The following ASTN2 variants were observed in gnomAD, a reference collection of about 807,000 sequenced individuals.
The protein encoded by ASTN2 is astrotactin-2.
A neutral mutation model predicts 139.8 loss-of-function variants in ASTN2; 54 were observed. That is an observed-to-expected ratio of 0.39 (90% CI 0.31 to 0.48). The LOEUF is 0.48. ASTN2 is among the 20% of genes least tolerant of loss of function. ASTN2 has a pLI of 0.95. For synonymous variants in ASTN2, 756 were observed against 719.5 expected (o/e 1.05, Z -0.81); for missense variants, 1,565 against 1,725.1 (o/e 0.91, Z 1.64).
chr9:116,730,238 G>C (rs1022544635), intron 14 of ASTN2, among the ~76,000 whole-genome samples: 1 of 152,110 alleles, frequency 6.6e-6, no homozygotes, highest in Non-Finnish European at 1.5e-5. Flanking sequence ...CTGGTGAGTA[G>C]GCACTTAAAG....
rs758359170 is a variant in ASTN2 at position 116,976,142 on chromosome 9, C to A, written c.1723G>T (p.Gly575Trp). Residue 575 changes from glycine to tryptophan, a missense_variant, in exon 9 of 23, where the codon GGG (glycine) becomes TGG (tryptophan). Gly to Trp is a radical substitution (Grantham distance 184). Around this residue, in one of 4 missense-constraint regions of ASTN2, gnomAD observed 503 missense variants for 591.7 expected, o/e 0.85. Coordinates refer to ENST00000313400, the MANE Select transcript of ASTN2 (RefSeq NM_001365068.1). ...TLERGYDLVT[G>W]EQAPEKILRS... is the part of the protein sequence containing the mutation. ...AGAATCTTTTCAGGGGCTTGCTCCC[C>A]TGTCACCAGATCATAGCCCCTCTCA... is the stretch of plus-strand genomic sequence containing the variant. 2.5e-6 allele frequency: 4 copies of A among 1,614,180 alleles called. No homozygotes were observed. The highest frequency in any genetic ancestry group is 3.4e-6 in the Non-Finnish European group (4 of 1,180,012).
intron 13 of ASTN2, among the ~76,000 whole-genome samples, chr9:116,765,703 A>T (rs1428896548): frequency 6.6e-6 from 1 of 152,182 alleles, no homozygotes; most frequent in Non-Finnish European, 1.5e-5. Context: ...ATCTTTAAAA[A>T]ATAGAAGGGA....
intron 16 of ASTN2, among the ~76,000 whole-genome samples, chr9:116,674,329 T>C (rs1324148178): frequency 6.6e-6 from 1 of 152,208 alleles, no homozygotes; most frequent in Non-Finnish European, 1.5e-5. Context: ...AAAGAGAGGC[T>C]ACAGGGCCAG....
intron 5 of ASTN2, among the ~76,000 whole-genome samples, chr9:117,040,551 C>T (rs1043945520): frequency 3.9e-5 from 6 of 152,174 alleles, no homozygotes; most frequent in African/African-American, 7.2e-5. Context: ...CTCCGCCACA[C>T]GGGTTCAAGT....
intron 12 of ASTN2, among the ~76,000 whole-genome samples, chr9:116,811,891 A>G (rs1405636838): frequency 6.6e-6 from 1 of 152,168 alleles, no homozygotes; most frequent in Admixed American, 6.6e-5. Context: ...CAGATTTCTG[A>G]AAGTTGACAT....
At position 117,362,931 on chromosome 9, in the gene ASTN2, A is replaced by G. The variant is rs1257706130; in HGVS notation, c.442+51566T>C. ...TGAGAAGCCTGCTCTGCTCCCTAGA[A>G]ATTTCACTTATATAACTAATAAGCC... is the stretch of plus-strand genomic sequence containing the variant. On this transcript the variant is annotated intron_variant, in intron 1 of 22. Transcript: ENST00000313400. Among the ~76,000 whole-genome samples the G allele has an allele frequency of 2.0e-5, 3 of 151,982 alleles. No individual in the cohort carries two copies. In the East Asian group the frequency reaches 5.8e-4, roughly 29 times the overall value.
At chr9:116,591,025 C>T (rs73526181) in intron 19 of ASTN2, among the ~76,000 whole-genome samples, 3,763 of 152,274 alleles carry the variant, frequency 0.025, 147 homozygotes, top group African/African-American at 0.086. Flanking sequence ...CCTTATTTTT[C>T]CTGGAAGCAG....
intron 17 of ASTN2, among the ~76,000 whole-genome samples, chr9:116,634,533 T>G (rs1220463520): frequency 1.5e-5 from 2 of 137,886 alleles, no homozygotes; most frequent in African/African-American, 5.7e-5. Context: ...GAGCTTGCAG[T>G]GAGCCGAGAT....
intron 6 of ASTN2, among the ~76,000 whole-genome samples, chr9:117,020,312 T>G (rs144890936): frequency 2.6e-4 from 40 of 151,098 alleles, no homozygotes; most frequent in Non-Finnish European, 2.5e-4. Context: ...TAGTAGTGAG[T>G]CAAACACATA....
At chr9:117,174,327 G>T (rs566668717) in intron 3 of ASTN2, among the ~76,000 whole-genome samples, 1 of 152,000 alleles carries the variant, frequency 6.6e-6, no homozygotes, top group South Asian at 2.1e-4. Context: ...AAAAATAAGT[G>T]AGTCTCAGGA....
chr9:117,050,165 G>A (rs1310655008), intron 5 of ASTN2, among the ~76,000 whole-genome samples: 1 of 152,102 alleles, frequency 6.6e-6, no homozygotes, highest in Non-Finnish European at 1.5e-5. Context: ...GGGTGGCAAA[G>A]AAGAGCTAAG....
chr9:116,852,206 A>G (rs190789284), intron 11 of ASTN2, among the ~76,000 whole-genome samples: 1 of 152,296 alleles, frequency 6.6e-6, no homozygotes, highest in Admixed American at 6.5e-5. Context: ...ACCTGATCTT[A>G]GGAAGGGAGG....
intron 1 of ASTN2, among the ~76,000 whole-genome samples, chr9:117,368,220 A>G (rs1180507960): frequency 6.6e-6 from 1 of 152,088 alleles, no homozygotes; most frequent in African/African-American, 2.4e-5. Context: ...CCAGGGATCT[A>G]GAAGTCTTAT....
At position 116,609,324 on chromosome 9, in the gene ASTN2, C is replaced by CTATATA. The variant is rs368559373; in HGVS notation, c.3355+8999_3355+9000insTATATA. Among the ~76,000 whole-genome samples, 492 of 111,416 alleles carry CTATATA rather than the reference C, an allele frequency of 4.4e-3. 2 individuals carry two copies. Among genetic ancestry groups the CTATATA allele is most frequent in the African/African-American group, 0.014 (422 of 30,750 alleles). 73.1% of individuals were successfully genotyped at this position (111,416 alleles called of 152,430 possible). ...TCTCTCTCTCTCTCTCTCTCTCTCT[C>CTATATA]TCTCTATATATATATACACACACAC... On this transcript the variant is annotated intron_variant, in intron 19 of 22. Coordinates refer to ENST00000313400, the MANE Select transcript of ASTN2 (RefSeq NM_001365068.1).
chr9:116,527,969 T>C (rs903586853), intron 19 of ASTN2, among the ~76,000 whole-genome samples: 11 of 152,240 alleles, frequency 7.2e-5, no homozygotes, highest in Admixed American at 1.3e-4. Context: ...AAGTACCCAA[T>C]CTTAGGTAGT....
intron 4 of ASTN2, among the ~76,000 whole-genome samples, chr9:117,098,043 C>A (rs1267885561): frequency 6.6e-6 from 1 of 152,170 alleles, no homozygotes; most frequent in Admixed American, 6.5e-5. Flanking sequence ...CTTGCATAGT[C>A]ACACAGCAGA....
intron 4 of ASTN2, among the ~76,000 whole-genome samples, chr9:117,127,449 T>C (rs1829717174): frequency 6.6e-6 from 1 of 152,170 alleles, no homozygotes; most frequent in Non-Finnish European, 1.5e-5. Flanking sequence ...GCTCTTTCTC[T>C]CTACGGAAAA....
chr9:116,946,487 G>A (rs1263635348), intron 10 of ASTN2, among the ~76,000 whole-genome samples: 2 of 151,988 alleles, frequency 1.3e-5, no homozygotes, highest in Non-Finnish European at 2.9e-5. Context: ...GTTTTCTGTA[G>A]CCAAAGGGCA....
At chr9:117,291,076 G>A (rs551876450) in intron 2 of ASTN2, among the ~76,000 whole-genome samples, 49 of 152,200 alleles carry the variant, frequency 3.2e-4, no homozygotes, top group Non-Finnish European at 5.9e-4. Context: ...CAGCCAAAAG[G>A]CCGAGGAGTT....
Sources: gnomAD v4.1 joint callset for allele counts (sites outside exome capture counted in the v4.1 genomes callset) on GRCh38, gnomAD v4.1.1 for gene constraint, gnomAD v4.1.1 regional missense constraint, MANE v1.5 for transcripts, NCBI Gene and HGNC (gene_info 2026-07-23, HGNC 2026-07-21) for gene names.